OR2L13: variants seen among roughly 807,000 people sequenced by gnomAD.
The protein encoded by OR2L13 is olfactory receptor family 2 subfamily L member 13, also known as olfactory receptor 2L13.
OR2L13 carries 14 observed loss-of-function variants against 15.3 expected under a neutral mutation model. The ratio of observed to expected loss-of-function variants is 0.91; its 90% CI spans 0.60 to 1.43. The LOEUF is 1.43. Ranked by LOEUF, OR2L13 falls within the 40% of genes most tolerant of loss-of-function variation. OR2L13 has a pLI of 0.00. For synonymous variants in OR2L13, 152 were observed against 142.9 expected (o/e 1.06, Z -0.45); for missense variants, 367 against 387.9 (o/e 0.95, Z 0.45).
At chr1:248,044,034 A>C in the OR2L13 span, among the ~76,000 whole-genome samples, 1 of 152,200 alleles carries the variant, frequency 6.6e-6, no homozygotes, top group African/African-American at 2.4e-5. Context: ...CCTTAGCCGT[A>C]AACATCTAAA....
At chr1:248,021,521 A>T in the OR2L13 span, among the ~76,000 whole-genome samples, 1 of 152,200 alleles carries the variant, frequency 6.6e-6, no homozygotes, top group Non-Finnish European at 1.5e-5. Flanking sequence ...GTTGGATTTC[A>T]GTCATAGCCC....
chr1:247,964,499 C>T, the OR2L13 span, among the ~76,000 whole-genome samples: 1 of 152,136 alleles, frequency 6.6e-6, no homozygotes, highest in Admixed American at 6.6e-5. Context: ...TCAAATTTAT[C>T]ATCCACACAA....
chr1:247,998,578 C>A, the OR2L13 span, among the ~76,000 whole-genome samples: 1 of 151,990 alleles, frequency 6.6e-6, no homozygotes, highest in Non-Finnish European at 1.5e-5. Context: ...CTAGAAAGTA[C>A]TAGTGTTGTC....
At chr1:247,975,289 G>A in the OR2L13 span, 32 of 454,230 alleles carry the variant, frequency 7.0e-5, no homozygotes, top group Non-Finnish European at 1.3e-4. Flanking sequence ...GGCCTTCGTG[G>A]ACACCTGGGT....
chr1:248,035,050 C>A, the OR2L13 span, among the ~76,000 whole-genome samples: 1 of 140,780 alleles, frequency 7.1e-6, no homozygotes. Context: ...TTATCTTTCC[C>A]TTTTTTTTTT....
At chr1:247,986,613 A>G in the OR2L13 span, among the ~76,000 whole-genome samples, 2 of 152,294 alleles carry the variant, frequency 1.3e-5, no homozygotes, top group African/African-American at 4.8e-5. Flanking sequence ...TTGGTTCCAT[A>G]TGAACTTTAA....
At chr1:248,039,043 T>G in the OR2L13 span, 1 of 1,614,124 alleles carries the variant, frequency 6.2e-7, no homozygotes, top group South Asian at 1.1e-5. Flanking sequence ...TATACCTATG[T>G]ACGTCCAAGA....
chr1:248,082,190 T>C, the OR2L13 span, among the ~76,000 whole-genome samples: 2 of 146,058 alleles, frequency 1.4e-5, no homozygotes, highest in Non-Finnish European at 1.5e-5. Flanking sequence ...ATGTCCTTTG[T>C]AGGGACATGG....
At chr1:247,944,161 T>C in the OR2L13 span, among the ~76,000 whole-genome samples, 1 of 152,140 alleles carries the variant, frequency 6.6e-6, no homozygotes, top group Non-Finnish European at 1.5e-5. Flanking sequence ...ATTTTTTGAA[T>C]ATTGAGGATC....
chr1:248,084,402 G>T, the OR2L13 span: 1 of 1,612,558 alleles, frequency 6.2e-7, no homozygotes, highest in Non-Finnish European at 8.5e-7. Context: ...GTCCATGAGG[G>T]AGAGTTGGCT....
At chr1:248,028,316 C>G in the OR2L13 span, among the ~76,000 whole-genome samples, 1 of 152,152 alleles carries the variant, frequency 6.6e-6, no homozygotes, top group South Asian at 2.1e-4. Context: ...CAATGGAACC[C>G]TGTGGCCCTG....
At chr1:247,999,398 A>G in the OR2L13 span, among the ~76,000 whole-genome samples, 3 of 152,144 alleles carry the variant, frequency 2.0e-5, no homozygotes, top group South Asian at 6.2e-4. Context: ...GTGGGCCTCA[A>G]TGCAGGTTGT....
chr1:248,026,239 C>T, the OR2L13 span, among the ~76,000 whole-genome samples: 1 of 152,182 alleles, frequency 6.6e-6, no homozygotes, highest in Non-Finnish European at 1.5e-5. Flanking sequence ...TGATGAATGC[C>T]TGATCTGCAG....
chr1:248,013,805 T>A, the OR2L13 span: 45 of 152,156 alleles, frequency 3.0e-4, 2 homozygotes, highest in Non-Finnish European at 1.2e-4. Context: ...TGGCAAGCGC[T>A]TAAGAGAACT....
chr1:248,079,304 G>A, the OR2L13 span, among the ~76,000 whole-genome samples: 1 of 151,724 alleles, frequency 6.6e-6, no homozygotes, highest in Non-Finnish European at 1.5e-5. Flanking sequence ...CACAAATAAC[G>A]GCAACAAAAA....
chr1:247,988,615 C>T, the OR2L13 span, among the ~76,000 whole-genome samples: 360 of 152,044 alleles, frequency 2.4e-3, 1 homozygote, highest in African/African-American at 7.5e-3. Flanking sequence ...TACTCTTTCA[C>T]ATTGTTACAC....
At chr1:248,044,673 G>C in the OR2L13 span, among the ~76,000 whole-genome samples, 1 of 117,490 alleles carries the variant, frequency 8.5e-6, no homozygotes, top group Non-Finnish European at 1.6e-5. Context: ...CGCGGTGGCG[G>C]GCGCCTGTAG....
chr1:248,028,302 T>C, the OR2L13 span, among the ~76,000 whole-genome samples: 1 of 152,082 alleles, frequency 6.6e-6, no homozygotes, highest in Non-Finnish European at 1.5e-5. Flanking sequence ...TACCACTCCA[T>C]GGGCAATGGA....
upstream of OR2L13, among the ~76,000 whole-genome samples, chr1:248,090,778 G>A (rs1664578525): frequency 6.6e-6 from 1 of 152,094 alleles, no homozygotes; most frequent in African/African-American, 2.4e-5. Context: ...GTAGAACAAT[G>A]TATACTCCTT....
Sources: allele counts gnomAD v4.1 joint callset (sites outside exome capture counted in the v4.1 genomes callset), GRCh38; gene constraint gnomAD v4.1.1; transcripts MANE v1.5; gene names NCBI Gene and HGNC (gene_info 2026-07-23, HGNC 2026-07-21).